ABLIM2: variants seen among roughly 807,000 people sequenced by gnomAD.
The protein encoded by ABLIM2 is actin-binding LIM protein 2.
A neutral mutation model predicts 97.7 loss-of-function variants in ABLIM2; 53 were observed. That is an observed-to-expected ratio of 0.54 (90% CI 0.44 to 0.68). The LOEUF (loss-of-function observed/expected upper bound fraction) is 0.68, where lower values mean the gene tolerates loss of function less well. Among genes scored for constraint, ABLIM2 ranks in the 30% least tolerant of loss-of-function variants. ABLIM2 has a pLI of 0.00. For synonymous variants in ABLIM2, 361 were observed against 345.8 expected, an observed-to-expected ratio of 1.04 and a Z score of -0.49; for missense variants, 835 against 867.2, an observed-to-expected ratio of 0.96 and a Z score of 0.47.
chr4:8,119,419 A>G (rs1455933647), intron 1 of ABLIM2, among the ~76,000 whole-genome samples: 1 of 142,994 alleles, frequency 7.0e-6, no homozygotes, highest in Non-Finnish European at 1.5e-5. Flanking sequence ...CCTCCGCTTC[A>G]TGGGTTCAAG....
chr4:7,987,990 A>G (rs1745770313), intron 17 of ABLIM2, among the ~76,000 whole-genome samples: 4 of 152,154 alleles, frequency 2.6e-5, no homozygotes, highest in Non-Finnish European at 5.9e-5. Context: ...TTTAAAAGCA[A>G]CAAATGATTT....
intron 3 of ABLIM2, among the ~76,000 whole-genome samples, chr4:8,094,561 T>A (rs913577984): frequency 1.3e-5 from 2 of 152,200 alleles, no homozygotes; most frequent in African/African-American, 4.8e-5. Context: ...GACAGGGATT[T>A]TCACAGTGCT....
intron 7 of ABLIM2, 45 bp downstream of exon 7, chr4:8,060,922 T>C (rs759438798): frequency 7.0e-5 from 104 of 1,480,630 alleles, no homozygotes; most frequent in Non-Finnish European, 9.3e-5. Flanking sequence ...TCGAAGAGGG[T>C]AGTTCCTTGC....
chr4:7,986,993 T>A lies in ABLIM2; in HGVS notation c.1681-2100A>T, dbSNP rs1041727809. Among the ~76,000 whole-genome samples the A allele has an allele frequency of 5.3e-5, 8 of 151,992 alleles. No homozygotes were observed. Among genetic ancestry groups the A allele is most frequent in the Non-Finnish European group, 8.8e-5 (6 of 68,006 alleles). ...GTCATGCAAATAATTTTTAATTTTT[T>A]ATTTTAAGAGACAGAGTCTGGCTCT... On this transcript the variant is annotated intron_variant, in intron 17 of 20. Coordinates refer to ENST00000447017, the MANE Select transcript of ABLIM2 (RefSeq NM_001130083.2). This position sits in a 1 kb window ranked among gnomAD's most constrained non-coding sequence, Gnocchi z 4.3.
At chr4:8,034,601 G>A (rs111203720) in intron 10 of ABLIM2, among the ~76,000 whole-genome samples, 1,530 of 31,482 alleles carry the variant, frequency 0.049, 298 homozygotes, top group East Asian at 0.066. Context: ...GTAGGTGGGT[G>A]CAGGTGGGTG....
intron 3 of ABLIM2, among the ~76,000 whole-genome samples, chr4:8,091,452 A>G (rs1371575594): frequency 2.2e-5 from 1 of 44,996 alleles, no homozygotes; most frequent in Non-Finnish European, 4.4e-5. Context: ...TGTATTATAT[A>G]TAATTATATA....
At chr4:8,052,303 C>A (rs138287188) in intron 8 of ABLIM2, among the ~76,000 whole-genome samples, 395 of 152,262 alleles carry the variant, frequency 2.6e-3, no homozygotes, top group African/African-American at 9.0e-3. Flanking sequence ...ACAAATGGTG[C>A]GGGCCCTGTG....
chr4:8,059,171 T>C (rs1801282290), intron 7 of ABLIM2, among the ~76,000 whole-genome samples: 1 of 151,976 alleles, frequency 6.6e-6, no homozygotes, highest in South Asian at 2.1e-4. Flanking sequence ...AGTGATAAGA[T>C]GAAGCATAAC....
chr4:8,113,790 G>A lies in ABLIM2; in HGVS notation c.11-7153C>T, dbSNP rs1407786665. 3.3e-5 allele frequency among the ~76,000 whole-genome samples: 5 copies of A among 152,170 alleles called. No individual in the cohort carries two copies. The East Asian group carries it at 5.8e-4, about 18-fold the overall frequency. On this transcript the variant is annotated intron_variant, in intron 1 of 20. Coordinates refer to ENST00000447017, the MANE Select transcript of ABLIM2 (RefSeq NM_001130083.2). This position sits in a 1 kb window ranked among gnomAD's most constrained non-coding sequence, Gnocchi z 4.5. ...TATTCAGTTTTCTAAGCCTACACAC[G>A]CACACATGAACTCCAGAGGTCCCGG...
chr4:8,105,349 A>G (rs1316207227), intron 2 of ABLIM2, among the ~76,000 whole-genome samples: 3 of 152,174 alleles, frequency 2.0e-5, no homozygotes, highest in Non-Finnish European at 4.4e-5. Flanking sequence ...ACCTAACATT[A>G]TCTCCCTCAG....
At position 8,076,463 on chromosome 4, in the gene ABLIM2, G is replaced by A. The variant is rs141908258; in HGVS notation, c.675+1165C>T. On this transcript the variant is annotated intron_variant, in intron 6 of 20. Transcript: ENST00000447017. Reference sequence around the variant, plus strand: ...AGTGGGAGCTCTCTAAAACTCCAATGTGGCCCAGCATTCCCTGCACCAAGG... The same window carrying A: ...AGTGGGAGCTCTCTAAAACTCCAATATGGCCCAGCATTCCCTGCACCAAGG... Among the ~76,000 whole-genome samples, 1,337 of 152,172 alleles carry A rather than the reference G, an allele frequency of 8.8e-3. 17 individuals are homozygous for A. The highest frequency in any genetic ancestry group is 0.038 in the Middle Eastern group (11 of 292).
chr4:8,087,590 G>A lies in ABLIM2; in HGVS notation c.454+579C>T, dbSNP rs544269471. On this transcript the variant is annotated intron_variant, in intron 4 of 20. Transcript: ENST00000447017. The surrounding 1 kb of genome is among the most constrained non-coding windows in gnomAD (Gnocchi z 4.6). Reference sequence around the variant, plus strand: ...AATTAACAGAGGGGAGCTGAGGGGAGTGAATGCCAGAGGGAGAGGACCTGA... The same window carrying A: ...AATTAACAGAGGGGAGCTGAGGGGAATGAATGCCAGAGGGAGAGGACCTGA... 6.6e-6 allele frequency among the ~76,000 whole-genome samples: 1 copy of A among 152,350 alleles called. No individual in the cohort carries two copies. Among genetic ancestry groups the A allele is most frequent in the Non-Finnish European group, 1.5e-5 (1 of 68,032 alleles).
intron 12 of ABLIM2, among the ~76,000 whole-genome samples, chr4:8,026,516 T>C (rs1777459001): frequency 6.6e-6 from 1 of 152,268 alleles, no homozygotes; most frequent in African/African-American, 2.4e-5. Context: ...TCCAGCTGCC[T>C]GCCCCACCTT....
At chr4:8,143,253 T>C (rs1561628773) in intron 1 of ABLIM2, among the ~76,000 whole-genome samples, 1 of 151,572 alleles carries the variant, frequency 6.6e-6, no homozygotes, top group Non-Finnish European at 1.5e-5. Context: ...CCTGTTGTAC[T>C]GTCAGCGGTC....
intron 2 of ABLIM2, among the ~76,000 whole-genome samples, chr4:8,098,820 G>T (rs1379783356): frequency 6.6e-6 from 1 of 152,214 alleles, no homozygotes; most frequent in African/African-American, 2.4e-5. Context: ...CCTGAGTCCT[G>T]CCTGGCTCAG....
At chr4:8,114,029 G>C (rs1841590876) in intron 1 of ABLIM2, among the ~76,000 whole-genome samples, 1 of 152,236 alleles carries the variant, frequency 6.6e-6, no homozygotes, top group Admixed American at 6.5e-5. Context: ...TCTGGGACAG[G>C]AGCAAGCACA....
rs369371585 is a variant in ABLIM2, at chr4:8,124,527, G to T, written c.11-17890C>A. 2.0e-5 allele frequency among the ~76,000 whole-genome samples: 3 copies of T among 152,134 alleles called. No homozygotes were observed. Among genetic ancestry groups the T allele is most frequent in the African/African-American group, 7.2e-5 (3 of 41,426 alleles). Reference sequence around the variant, plus strand: ...CACACTGCGTGGTCCTTCGCGACTGGCTTCTTTCACTCGGCGTCATGTTTT... The same window carrying T: ...CACACTGCGTGGTCCTTCGCGACTGTCTTCTTTCACTCGGCGTCATGTTTT... On this transcript the variant is annotated intron_variant, in intron 1 of 20. Coordinates refer to ENST00000447017, the MANE Select transcript of ABLIM2 (RefSeq NM_001130083.2). This position sits in a 1 kb window ranked among gnomAD's most constrained non-coding sequence, Gnocchi z 6.1.
intron 14 of ABLIM2, among the ~76,000 whole-genome samples, chr4:8,018,898 C>A (rs1578797787): frequency 6.6e-6 from 1 of 152,156 alleles, no homozygotes; most frequent in Non-Finnish European, 1.5e-5. Context: ...GTGGAAAGGG[C>A]GGGGTGGAGG....
chr4:8,068,488 C>A lies in ABLIM2; in HGVS notation c.676-7434G>T, dbSNP rs966745647. ...GGACAGAGGTGTGGCAAAGCTGTCC[C>A]GCCTCCAGAAACCCCTCCTGTCCCA... On this transcript the variant is annotated intron_variant, in intron 6 of 20. Transcript: ENST00000447017. The surrounding 1 kb of genome is among the most constrained non-coding windows in gnomAD (Gnocchi z 4.5). Among the ~76,000 whole-genome samples the A allele has an allele frequency of 6.6e-6, 1 of 152,152 alleles. No homozygotes were observed. Among genetic ancestry groups the A allele is most frequent in the Non-Finnish European group, 1.5e-5 (1 of 68,018 alleles).
Sources: allele counts gnomAD v4.1 joint callset (sites outside exome capture counted in the v4.1 genomes callset), GRCh38; gene constraint gnomAD v4.1.1; non-coding constraint Gnocchi (gnomAD v3.1); transcripts MANE v1.5; gene names NCBI Gene and HGNC (gene_info 2026-07-23, HGNC 2026-07-21).